CERS6: variants seen among roughly 807,000 people sequenced by gnomAD.
The protein encoded by CERS6 is ceramide synthase 6, also known as LAG1 homolog, ceramide synthase 6.
In CERS6, 26 loss-of-function variants were observed where a neutral mutation model predicts 56.8. The observed-to-expected ratio is 0.46, with a 90% confidence interval of 0.34 to 0.63. CERS6 has a LOEUF of 0.63. CERS6 is among the 30% of genes least tolerant of loss of function. The pLI is 0.01. For synonymous variants in CERS6, 164 were observed against 173.3 expected (o/e 0.95, Z 0.42); for missense variants, 415 against 467.5 (o/e 0.89, Z 1.04).
At chr2:168,539,921 A>G (rs1285043809) in intron 1 of CERS6, among the ~76,000 whole-genome samples, 2 of 152,182 alleles carry the variant, frequency 1.3e-5, no homozygotes, top group African/African-American at 4.8e-5. Context: ...GTTGTGATTA[A>G]TTTCAAAGAC....
intron 1 of CERS6, among the ~76,000 whole-genome samples, chr2:168,537,344 T>G (rs1377126682): frequency 6.6e-6 from 1 of 152,232 alleles, no homozygotes; most frequent in East Asian, 1.9e-4. Flanking sequence ...TCTGACTGAT[T>G]GTGTTAGATA....
intron 3 of CERS6, among the ~76,000 whole-genome samples, chr2:168,617,496 A>T (rs377017436): frequency 6.6e-6 from 1 of 152,340 alleles, no homozygotes; most frequent in Non-Finnish European, 1.5e-5. Context: ...AAGATTAACC[A>T]AGAAAGGAAG....
intron 8 of CERS6, among the ~76,000 whole-genome samples, chr2:168,753,053 G>C (rs1490087341): frequency 6.6e-6 from 1 of 152,186 alleles, no homozygotes; most frequent in Non-Finnish European, 1.5e-5. Flanking sequence ...AAATTCATAA[G>C]GTCGTTTATG....
intron 4 of CERS6, among the ~76,000 whole-genome samples, chr2:168,657,796 G>A (rs1468135438): frequency 6.6e-6 from 1 of 152,232 alleles, no homozygotes; most frequent in Non-Finnish European, 1.5e-5. Flanking sequence ...GCCGCACGCA[G>A]CCCCGGTTCC....
At chr2:168,539,942 CTT>C (rs1695337011) in intron 1 of CERS6, among the ~76,000 whole-genome samples, 1 of 152,164 alleles carries the variant, frequency 6.6e-6, no homozygotes, top group Non-Finnish European at 1.5e-5. Context: ...CTTGCAAGCA[CTT>C]TTGTATTTAC....
chr2:168,511,803 A>G (rs1251917532), intron 1 of CERS6, among the ~76,000 whole-genome samples: 1 of 152,202 alleles, frequency 6.6e-6, no homozygotes, highest in Non-Finnish European at 1.5e-5. Context: ...ATAAGTTTTG[A>G]CAAATGCATT....
At chr2:168,653,181 C>T (rs566839674) in intron 4 of CERS6, among the ~76,000 whole-genome samples, 35 of 152,222 alleles carry the variant, frequency 2.3e-4, no homozygotes, top group Admixed American at 5.9e-4. Flanking sequence ...GCAGGTCCCT[C>T]CGAAGAAAAA....
intron 8 of CERS6, among the ~76,000 whole-genome samples, chr2:168,723,161 G>A (rs1683226734): frequency 6.6e-6 from 1 of 152,180 alleles, no homozygotes; most frequent in African/African-American, 2.4e-5. Context: ...AGGATTGAGA[G>A]ATAAGTAGAA....
intron 3 of CERS6, among the ~76,000 whole-genome samples, chr2:168,597,130 G>A (rs2105407682): frequency 6.6e-6 from 1 of 152,278 alleles, no homozygotes; most frequent in South Asian, 2.1e-4. Context: ...CAGTAGGGAT[G>A]GCGCCAGGTT....
chr2:168,716,796 C>A (rs1687237747), intron 7 of CERS6, among the ~76,000 whole-genome samples: 1 of 152,152 alleles, frequency 6.6e-6, no homozygotes, highest in Non-Finnish European at 1.5e-5. Flanking sequence ...ATAATCCTAA[C>A]TTCCACCCAG....
intron 1 of CERS6, among the ~76,000 whole-genome samples, chr2:168,514,688 G>A (rs974331095): frequency 3.3e-5 from 5 of 152,188 alleles, no homozygotes; most frequent in African/African-American, 4.8e-5. Flanking sequence ...CTTCTTTGGG[G>A]TGTTTTTTCT....
intron 3 of CERS6, among the ~76,000 whole-genome samples, chr2:168,599,671 TTA>T (rs1683885887): frequency 6.6e-6 from 1 of 152,202 alleles, no homozygotes; most frequent in Non-Finnish European, 1.5e-5. Flanking sequence ...TTTGAGAGCT[TTA>T]TGTTGGTTTT....
intron 1 of CERS6, among the ~76,000 whole-genome samples, chr2:168,501,400 C>T (rs945984021): frequency 3.3e-5 from 5 of 152,272 alleles, no homozygotes; most frequent in East Asian, 1.9e-4. Flanking sequence ...GGTTGGAGGT[C>T]GTGATGCTGC....
intron 3 of CERS6, among the ~76,000 whole-genome samples, chr2:168,618,965 A>G (rs964696468): frequency 1.3e-5 from 2 of 151,984 alleles, no homozygotes; most frequent in African/African-American, 2.4e-5. Context: ...TTCAAACTAT[A>G]CTATAAGGCC....
chr2:168,631,691 ATATTTAATTT>A (rs1684741348), intron 4 of CERS6, among the ~76,000 whole-genome samples: 1 of 85,512 alleles, frequency 1.2e-5, no homozygotes, highest in Non-Finnish European at 2.2e-5. Flanking sequence ...ATATTTATAT[ATATTTAATTT>A]ATATTTATAT....
intron 1 of CERS6, among the ~76,000 whole-genome samples, chr2:168,468,110 A>G (rs1199394753): frequency 1.3e-5 from 2 of 152,154 alleles, no homozygotes. Context: ...GGACCTGTGG[A>G]AAACCATTTC....
intron 1 of CERS6, among the ~76,000 whole-genome samples, chr2:168,476,211 CTT>C (rs559550170): frequency 7.0e-6 from 1 of 142,346 alleles, no homozygotes; most frequent in African/African-American, 2.6e-5. Flanking sequence ...CTGGCATCCT[CTT>C]TTTTTTTTTT....
intron 8 of CERS6, among the ~76,000 whole-genome samples, chr2:168,762,883 T>G (rs982502907): frequency 2.5e-5 from 3 of 122,240 alleles, no homozygotes; most frequent in African/African-American, 1.0e-4. Flanking sequence ...TTTTCCTTTA[T>G]TTTTTTGAGA....
chr2:168,617,236 G>A (rs1485093593), intron 3 of CERS6, among the ~76,000 whole-genome samples: 2 of 152,154 alleles, frequency 1.3e-5, no homozygotes, highest in Non-Finnish European at 2.9e-5. Context: ...CAAAGGTGGT[G>A]CTAAGAGGAA....
Sources: gnomAD v4.1 joint callset for allele counts (sites outside exome capture counted in the v4.1 genomes callset) on GRCh38, gnomAD v4.1.1 for gene constraint, MANE v1.5 for transcripts, NCBI Gene and HGNC (gene_info 2026-07-23, HGNC 2026-07-21) for gene names.